The following PABPC4L variants were observed in gnomAD, a reference collection of about 807,000 sequenced individuals.
PABPC4L encodes polyadenylate-binding protein 4-like.
For missense variants in PABPC4L, 452 were observed against 451.4 expected, an observed-to-expected ratio of 1.00 and a Z score of -0.01; for synonymous variants, 169 against 164.1, an observed-to-expected ratio of 1.03 and a Z score of -0.23.
chr4:133,996,300 G>A, the PABPC4L span, among the ~76,000 whole-genome samples: 3 of 152,050 alleles, frequency 2.0e-5, no homozygotes, highest in Non-Finnish European at 4.4e-5. Flanking sequence ...TTGCCCTTGT[G>A]TATGATGTTC....
chr4:134,045,676 A>T, the PABPC4L span, among the ~76,000 whole-genome samples: 2 of 152,128 alleles, frequency 1.3e-5, no homozygotes, highest in Non-Finnish European at 2.9e-5. Flanking sequence ...CTTTTGTGAG[A>T]GCCCATGATC....
At chr4:134,040,786 G>A in the PABPC4L span, among the ~76,000 whole-genome samples, 40 of 152,038 alleles carry the variant, frequency 2.6e-4, no homozygotes, top group Non-Finnish European at 3.2e-4. Context: ...AGAGTGAACA[G>A]GCAACCTACA....
At chr4:134,055,960 G>A in the PABPC4L span, among the ~76,000 whole-genome samples, 1 of 151,900 alleles carries the variant, frequency 6.6e-6, no homozygotes, top group African/African-American at 2.4e-5. Context: ...TCATACATAA[G>A]TCTGTGATGT....
chr4:134,154,894 C>G, the PABPC4L span, among the ~76,000 whole-genome samples: 1 of 151,982 alleles, frequency 6.6e-6, no homozygotes, highest in African/African-American at 2.4e-5. Flanking sequence ...AGATTACATT[C>G]ATGATATTAA....
chr4:134,098,228 A>G, the PABPC4L span, among the ~76,000 whole-genome samples: 1 of 151,802 alleles, frequency 6.6e-6, no homozygotes, highest in South Asian at 2.1e-4. Context: ...ACATAGCGCT[A>G]GCACTCCTTT....
At chr4:133,959,394 A>G in the PABPC4L span, among the ~76,000 whole-genome samples, 1 of 152,230 alleles carries the variant, frequency 6.6e-6, no homozygotes, top group African/African-American at 2.4e-5. Context: ...CTGACATTTT[A>G]GATGAGACCT....
chr4:134,174,403 T>C, the PABPC4L span, among the ~76,000 whole-genome samples: 1 of 152,180 alleles, frequency 6.6e-6, no homozygotes, highest in African/African-American at 2.4e-5. Context: ...CATAATTGTA[T>C]GTGCTATACT....
At chr4:134,078,459 G>T in the PABPC4L span, among the ~76,000 whole-genome samples, 1 of 152,028 alleles carries the variant, frequency 6.6e-6, no homozygotes, top group South Asian at 2.1e-4. Context: ...ATATTGCTTA[G>T]CACTAAACAA....
the PABPC4L span, among the ~76,000 whole-genome samples, chr4:134,089,251 T>C: frequency 1.1e-4 from 17 of 152,134 alleles, no homozygotes; most frequent in Non-Finnish European, 2.4e-4. Context: ...TTTAGTTCTT[T>C]TTTAATAGTA....
the PABPC4L span, among the ~76,000 whole-genome samples, chr4:133,957,988 T>G: frequency 1.3e-5 from 2 of 152,316 alleles, no homozygotes; most frequent in East Asian, 3.9e-4. Context: ...GGGGTTGCCA[T>G]GAAGACCTCT....
chr4:134,110,449 G>A, the PABPC4L span, among the ~76,000 whole-genome samples: 2 of 151,716 alleles, frequency 1.3e-5, no homozygotes, highest in African/African-American at 4.8e-5. Flanking sequence ...TAGAAAATAG[G>A]ATAAATATAT....
chr4:134,127,424 A>C, the PABPC4L span, among the ~76,000 whole-genome samples: 1 of 152,138 alleles, frequency 6.6e-6, no homozygotes, highest in Non-Finnish European at 1.5e-5. Context: ...CCTCCACCAG[A>C]GTAGGTGCTG....
the PABPC4L span, among the ~76,000 whole-genome samples, chr4:133,987,770 G>T: frequency 6.6e-6 from 1 of 152,034 alleles, no homozygotes; most frequent in Non-Finnish European, 1.5e-5. Context: ...ATAAGAAAAA[G>T]GACACACTAT....
chr4:134,100,798 A>G, the PABPC4L span, among the ~76,000 whole-genome samples: 1 of 151,580 alleles, frequency 6.6e-6, no homozygotes, highest in East Asian at 1.9e-4. Flanking sequence ...TCTGAAAGAT[A>G]TCCCTTTGCA....
At chr4:134,072,968 T>A in the PABPC4L span, among the ~76,000 whole-genome samples, 1 of 152,090 alleles carries the variant, frequency 6.6e-6, no homozygotes, top group Non-Finnish European at 1.5e-5. Flanking sequence ...ATAAGGATTA[T>A]GAGAACTAAA....
At chr4:134,170,938 T>A in the PABPC4L span, among the ~76,000 whole-genome samples, 1 of 152,200 alleles carries the variant, frequency 6.6e-6, no homozygotes, top group Admixed American at 6.6e-5. Context: ...TGAAATAATT[T>A]GCATTTCCCC....
the PABPC4L span, among the ~76,000 whole-genome samples, chr4:134,124,104 T>C: frequency 1.3e-5 from 2 of 152,090 alleles, no homozygotes; most frequent in Non-Finnish European, 2.9e-5. Context: ...TTAGTAAATA[T>C]TAACTAAATC....
At position 134,198,529 on chromosome 4, in the gene PABPC4L, A is replaced by T. The variant is rs531119879; in HGVS notation, c.*1378T>A. 183 of 115,996 alleles carry T rather than the reference A, an allele frequency of 1.6e-3. No individual in the cohort carries two copies. The highest frequency in any genetic ancestry group is 7.1e-3 in the African/African-American group (176 of 24,664). 7.2% of individuals were successfully genotyped at this position (115,996 alleles called of 1,614,324 possible). The stretch of plus-strand genomic sequence containing the variant: ...ATATGAAATAGAGAATGTGAATAAT[A>T]GTTATGAGAAAAAACTAAGCCAAGT... On this transcript the variant is annotated 3_prime_UTR_variant, in exon 2 of 2. Coordinates refer to ENST00000421491, the MANE Select transcript of PABPC4L (RefSeq NM_001114734.2).
the PABPC4L span, among the ~76,000 whole-genome samples, chr4:134,109,550 G>A: frequency 6.6e-6 from 1 of 151,812 alleles, no homozygotes; most frequent in African/African-American, 2.4e-5. Flanking sequence ...ATATTATTCT[G>A]GGTAGTATTT....
Sources: allele counts gnomAD v4.1 joint callset (sites outside exome capture counted in the v4.1 genomes callset), GRCh38; gene constraint gnomAD v4.1.1; transcripts MANE v1.5; gene names NCBI Gene and HGNC (gene_info 2026-07-23, HGNC 2026-07-21).